MIR2052HG: variants seen among roughly 807,000 people sequenced by gnomAD.
MIR2052HG encodes the protein MIR2052 host gene.
chr8:74,660,105 T>A (rs547351138), intron 2 of MIR2052HG, among the ~76,000 whole-genome samples: 3 of 152,264 alleles, frequency 2.0e-5, no homozygotes, highest in African/African-American at 7.2e-5. Context: ...CAAATGGAAT[T>A]GGGAAGCCAC....
At chr8:74,731,306 A>G (rs775812748) in intron 4 of MIR2052HG, among the ~76,000 whole-genome samples, 29 of 152,204 alleles carry the variant, frequency 1.9e-4, no homozygotes, top group Admixed American at 7.9e-4. Flanking sequence ...TACTCTGTGG[A>G]AGTCAAATAC....
At chr8:74,612,535 G>A (rs1223439562) in intron 1 of MIR2052HG, 1 of 201,554 alleles carries the variant, frequency 5.0e-6, no homozygotes, top group African/African-American at 2.4e-5. Context: ...CAGAGGTCAT[G>A]CTCGTTACTA....
chr8:74,743,327 TG>T (rs780572742), intron 4 of MIR2052HG, among the ~76,000 whole-genome samples: 19 of 152,154 alleles, frequency 1.2e-4, no homozygotes, highest in Non-Finnish European at 2.2e-4. Flanking sequence ...TTTGTTTATA[TG>T]AGAATAAAAT....
intron 2 of MIR2052HG, among the ~76,000 whole-genome samples, chr8:74,674,109 G>A (rs1345981966): frequency 6.7e-6 from 1 of 148,942 alleles, no homozygotes; most frequent in Non-Finnish European, 1.5e-5. Flanking sequence ...AATGATACAT[G>A]GTGTAGACCG....
chr8:74,603,442 T>G, intron 1 of MIR2052HG: 1 of 1,607,568 alleles, frequency 6.2e-7, no homozygotes, highest in South Asian at 1.1e-5. Flanking sequence ...CCCAGACATC[T>G]GACGGATCTC....
chr8:74,704,419 A>G (rs558946288), intron 4 of MIR2052HG, among the ~76,000 whole-genome samples: 1 of 152,024 alleles, frequency 6.6e-6, no homozygotes, highest in African/African-American at 2.4e-5. Context: ...AACTACAGAG[A>G]ATAAAACTAT....
intron 2 of MIR2052HG, among the ~76,000 whole-genome samples, chr8:74,621,973 C>A (rs551837319): frequency 6.6e-6 from 1 of 152,298 alleles, no homozygotes; most frequent in East Asian, 1.9e-4. Flanking sequence ...GTTAAAAGCT[C>A]TTTGACACTG....
At chr8:74,716,910 A>G (rs1052292512) in intron 4 of MIR2052HG, among the ~76,000 whole-genome samples, 2 of 152,186 alleles carry the variant, frequency 1.3e-5, no homozygotes, top group African/African-American at 4.8e-5. Flanking sequence ...TATACTGGCT[A>G]TGAATATTAT....
chr8:74,613,444 T>C (rs1280325032), intron 2 of MIR2052HG, among the ~76,000 whole-genome samples: 1 of 152,160 alleles, frequency 6.6e-6, no homozygotes, highest in East Asian at 1.9e-4. Context: ...CTAAACTGAA[T>C]GGGATGGAGA....
At chr8:74,652,325 G>T (rs1472154633) in intron 2 of MIR2052HG, among the ~76,000 whole-genome samples, 1 of 152,118 alleles carries the variant, frequency 6.6e-6, no homozygotes, top group Non-Finnish European at 1.5e-5. Flanking sequence ...TAATATTTCT[G>T]GTTGGAGCCA....
At chr8:74,754,968 C>A (rs547404452) in intron 5 of MIR2052HG, among the ~76,000 whole-genome samples, 3 of 152,110 alleles carry the variant, frequency 2.0e-5, no homozygotes, top group African/African-American at 7.2e-5. Flanking sequence ...TGTCCCAGTA[C>A]GACATGTTGT....
At chr8:74,650,000 T>C (rs1808735499) in intron 2 of MIR2052HG, among the ~76,000 whole-genome samples, 1 of 152,152 alleles carries the variant, frequency 6.6e-6, no homozygotes, top group Admixed American at 6.6e-5. Flanking sequence ...TATGATTTAA[T>C]GCTAAACCTT....
chr8:74,630,528 G>GAAAAAAAAA (rs200428495), intron 2 of MIR2052HG, among the ~76,000 whole-genome samples: 2 of 126,074 alleles, frequency 1.6e-5, no homozygotes. Flanking sequence ...AGATTTCTCT[G>GAAAAAAAAA]AAAAAAAAAA....
intron 2 of MIR2052HG, among the ~76,000 whole-genome samples, chr8:74,661,170 A>G (rs951067827): frequency 5.9e-5 from 9 of 151,728 alleles, no homozygotes; most frequent in African/African-American, 2.2e-4. Flanking sequence ...GGTGACATGA[A>G]AAAACTTGGA....
intron 2 of MIR2052HG, among the ~76,000 whole-genome samples, chr8:74,627,895 A>G (rs768715389): frequency 3.9e-5 from 6 of 152,214 alleles, no homozygotes; most frequent in Non-Finnish European, 7.3e-5. Context: ...TGGAGGATCT[A>G]AAGGGCCTTT....
At chr8:74,608,098 A>G (rs1301340304) in intron 1 of MIR2052HG, among the ~76,000 whole-genome samples, 1 of 152,182 alleles carries the variant, frequency 6.6e-6, no homozygotes, top group African/African-American at 2.4e-5. Context: ...GTCTCTTCAG[A>G]CAGTTTCCTG....
intron 2 of MIR2052HG, among the ~76,000 whole-genome samples, chr8:74,613,857 T>C (rs920244890): frequency 6.6e-6 from 1 of 152,178 alleles, no homozygotes; most frequent in Non-Finnish European, 1.5e-5. Flanking sequence ...TTAAATATGA[T>C]GGTCAGATCT....
chr8:74,697,486 CAA>C (rs1468490323), intron 2 of MIR2052HG, among the ~76,000 whole-genome samples: 1 of 152,080 alleles, frequency 6.6e-6, no homozygotes, highest in East Asian at 1.9e-4. Context: ...AGCAATCAGA[CAA>C]GAGAAAGAAA....
At chr8:74,652,562 A>G (rs775306579) in intron 2 of MIR2052HG, among the ~76,000 whole-genome samples, 38 of 152,248 alleles carry the variant, frequency 2.5e-4, no homozygotes, top group Middle Eastern at 3.4e-3. Context: ...AGAGTTACTT[A>G]TTCCTTGAAA....
Sources: allele counts gnomAD v4.1 joint callset (sites outside exome capture counted in the v4.1 genomes callset), GRCh38; gene constraint gnomAD v4.1.1; transcripts MANE v1.5; gene names NCBI Gene and HGNC (gene_info 2026-07-23, HGNC 2026-07-21).